The following HIPK3 variants were observed in gnomAD, a reference collection of about 807,000 sequenced individuals.
HIPK3 encodes the protein homeodomain interacting protein kinase 3, also known as homeodomain-interacting protein kinase 3.
In HIPK3, 47 loss-of-function variants were observed where a neutral mutation model predicts 124.2. The observed-to-expected ratio is 0.38, with a 90% CI of 0.30 to 0.48. HIPK3 has a LOEUF of 0.48. Ranked by LOEUF, HIPK3 falls within the 20% of genes least tolerant of loss-of-function variation. HIPK3 has a pLI of 0.98. For synonymous variants in HIPK3, 482 were observed against 515.2 expected (o/e 0.94, Z 0.87); for missense variants, 1,286 against 1,454.3 (o/e 0.88, Z 1.88).
chr11:33,353,909 C>T lies in HIPK3; in HGVS notation c.*341C>T. ...CATTCTGTGTACAGACTTAGAGCAA[C>T]AGATGCACATATGTCAGAATTACAG... On this transcript the variant is annotated 3_prime_UTR_variant, in exon 17 of 17. Coordinates refer to ENST00000303296, the MANE Select transcript of HIPK3 (RefSeq NM_005734.5). The T allele has an allele frequency of 3.7e-6, 1 of 266,874 alleles. No individual in the cohort carries two copies. Among genetic ancestry groups the T allele is most frequent in the Non-Finnish European group, 7.3e-6 (1 of 137,772 alleles). 16.5% of individuals were successfully genotyped at this position (266,874 alleles called of 1,614,324 possible). A position where few individuals can be genotyped will look rare whatever the true frequency, so the allele number is the denominator to read the frequency against.
At chr11:33,291,160 C>A (rs919108388) in intron 2 of HIPK3, among the ~76,000 whole-genome samples, 1 of 152,206 alleles carries the variant, frequency 6.6e-6, no homozygotes, top group South Asian at 2.1e-4. Flanking sequence ...TACCACTACT[C>A]TGTTTAAGTA....
At chr11:33,293,987 T>C (rs571762873) in intron 2 of HIPK3, among the ~76,000 whole-genome samples, 11 of 152,052 alleles carry the variant, frequency 7.2e-5, no homozygotes, top group African/African-American at 2.7e-4. Flanking sequence ...GCGAGCATGG[T>C]CAAACCCCGT....
At chr11:33,291,896 C>T (rs1477426303) in intron 2 of HIPK3, among the ~76,000 whole-genome samples, 1 of 152,064 alleles carries the variant, frequency 6.6e-6, no homozygotes, top group Non-Finnish European at 1.5e-5. Context: ...TTAAAAAATG[C>T]TATTTTGCAT....
In HIPK3 at chr11:33,257,440, C is replaced by T. The variant is rs899397784; in HGVS notation, c.-452C>T. On this transcript the variant is annotated 5_prime_UTR_variant, in exon 1 of 17. Coordinates refer to ENST00000303296, the MANE Select transcript of HIPK3 (RefSeq NM_005734.5). ...GCGGCGACCTGAGGAGATCAAGCCG[C>T]AGGCCCCGCCGTCGCCACCACTCCC... 1.5e-5 allele frequency: 15 copies of T among 985,512 alleles called. No individual in the cohort carries two copies. Among genetic ancestry groups the T allele is most frequent in the East Asian group, 1.1e-4 (1 of 8,810 alleles). 61.0% of individuals were successfully genotyped at this position (985,512 alleles called of 1,614,324 possible).
chr11:33,348,477 A>T, intron 12 of HIPK3, 45 bp from the exon 13 acceptor site: 1 of 1,445,106 alleles, frequency 6.9e-7, no homozygotes, highest in Non-Finnish European at 9.4e-7. Flanking sequence ...AATTGATTAT[A>T]CATATTTTGA....
chr11:33,336,672 C>T (rs1219285864), intron 3 of HIPK3, among the ~76,000 whole-genome samples: 1 of 152,196 alleles, frequency 6.6e-6, no homozygotes, highest in East Asian at 1.9e-4. Flanking sequence ...TCTTACCATT[C>T]TCTGTTAGTG....
chr11:33,300,447 A>G (rs571243222), intron 2 of HIPK3, among the ~76,000 whole-genome samples: 3 of 152,188 alleles, frequency 2.0e-5, no homozygotes, highest in Non-Finnish European at 4.4e-5. Context: ...TCCACCAGCC[A>G]ACCAGCCAAA....
At chr11:33,289,227 G>T (rs757105776) in intron 2 of HIPK3, among the ~76,000 whole-genome samples, 5 of 151,946 alleles carry the variant, frequency 3.3e-5, no homozygotes, top group Non-Finnish European at 5.9e-5. Flanking sequence ...ATCGCTTTAG[G>T]CCACGAGTTT....
At chr11:33,325,255 T>C (rs1393465400) in intron 2 of HIPK3, among the ~76,000 whole-genome samples, 1 of 152,226 alleles carries the variant, frequency 6.6e-6, no homozygotes, top group Admixed American at 6.5e-5. Flanking sequence ...GATTTCAGTC[T>C]CTTTAAGTGG....
chr11:33,323,991 T>TA (rs1365275401), intron 2 of HIPK3, among the ~76,000 whole-genome samples: 1 of 152,224 alleles, frequency 6.6e-6, no homozygotes, highest in Non-Finnish European at 1.5e-5. Flanking sequence ...GCAATATCCT[T>TA]AGCACTGCCA....
At chr11:33,319,509 A>AAG (rs1852602713) in intron 2 of HIPK3, among the ~76,000 whole-genome samples, 1 of 152,090 alleles carries the variant, frequency 6.6e-6, no homozygotes, top group Non-Finnish European at 1.5e-5. Context: ...AAAAAAAAAA[A>AAG]AAGTCATGAT....
chr11:33,334,426 A>C (rs963193090), intron 3 of HIPK3, among the ~76,000 whole-genome samples: 2 of 152,138 alleles, frequency 1.3e-5, no homozygotes, highest in Non-Finnish European at 2.9e-5. Flanking sequence ...AAACTGGCCC[A>C]TGTGGTTCGA....
intron 2 of HIPK3, among the ~76,000 whole-genome samples, chr11:33,323,658 T>C (rs1852730050): frequency 6.6e-6 from 1 of 152,198 alleles, no homozygotes; most frequent in African/African-American, 2.4e-5. Context: ...TTCTAGTGGA[T>C]AAAATGAAAA....
intron 3 of HIPK3, 101 bp downstream of exon 3, chr11:33,328,734 T>C: frequency 9.9e-7 from 1 of 1,011,830 alleles, no homozygotes. Context: ...CTGGAAAGTC[T>C]TTTTAACATA....
chr11:33,294,933 T>C (rs1056523353), intron 2 of HIPK3, among the ~76,000 whole-genome samples: 1 of 152,186 alleles, frequency 6.6e-6, no homozygotes, highest in African/African-American at 2.4e-5. Flanking sequence ...CTCATTAGTG[T>C]CCTCTAATCT....
intron 2 of HIPK3, among the ~76,000 whole-genome samples, chr11:33,314,946 T>TA (rs1228373963): frequency 1.3e-5 from 2 of 152,200 alleles, no homozygotes; most frequent in African/African-American, 2.4e-5. Flanking sequence ...TCAGGATACT[T>TA]ACATTTATTT....
At chr11:33,341,966 T>C (rs1853347807) in intron 8 of HIPK3, among the ~76,000 whole-genome samples, 1 of 151,694 alleles carries the variant, frequency 6.6e-6, no homozygotes, top group Admixed American at 6.6e-5. Flanking sequence ...CTGGGTATGG[T>C]GGTGCGTGCC....
In HIPK3 at chr11:33,257,390, T is replaced by C; in HGVS notation, c.-502T>C. 1 of 984,970 alleles carries C rather than the reference T, an allele frequency of 1.0e-6. No individual in the cohort carries two copies. The highest frequency in any genetic ancestry group is 1.2e-6 in the Non-Finnish European group (1 of 829,756). 61.0% of individuals were successfully genotyped at this position (984,970 alleles called of 1,614,324 possible). ...CGAGGCTGGGGCGGCTGGTGGCAGCTGCCTCAGTGACGACTGCCGGCATCG... is the reference window on the plus strand; with the variant it reads ...CGAGGCTGGGGCGGCTGGTGGCAGCCGCCTCAGTGACGACTGCCGGCATCG... On this transcript the variant is annotated 5_prime_UTR_variant, in exon 1 of 17. Coordinates refer to ENST00000303296, the MANE Select transcript of HIPK3 (RefSeq NM_005734.5).
At position 33,303,350 on chromosome 11, in the gene HIPK3, A is replaced by C. The variant is rs138784068; in HGVS notation, c.1097+15839A>C. Reference sequence around the variant, plus strand: ...AAAAAAGTCTGTACGTGTTCTGTACAGATATGATCGTCTGTTTTTTAATCT... The same window carrying C: ...AAAAAAGTCTGTACGTGTTCTGTACCGATATGATCGTCTGTTTTTTAATCT... On this transcript the variant is annotated intron_variant, in intron 2 of 16. Coordinates refer to ENST00000303296, the MANE Select transcript of HIPK3 (RefSeq NM_005734.5). 4.6e-5 allele frequency among the ~76,000 whole-genome samples: 7 copies of C among 152,358 alleles called. No homozygotes were observed. The East Asian group carries it at 1.3e-3, about 29-fold the overall frequency.
Sources: gnomAD v4.1 joint callset for allele counts (sites outside exome capture counted in the v4.1 genomes callset) on GRCh38, gnomAD v4.1.1 for gene constraint, MANE v1.5 for transcripts, NCBI Gene and HGNC (gene_info 2026-07-23, HGNC 2026-07-21) for gene names.